The following LYPD5 variants were observed in gnomAD, a reference collection of about 807,000 sequenced individuals.
LYPD5 encodes the protein ly6/PLAUR domain-containing protein 5.
A neutral mutation model predicts 19.1 loss-of-function variants in LYPD5; 21 were observed. The ratio of observed to expected loss-of-function variants is 1.10; its 90% CI spans 0.78 to 1.58. The LOEUF (loss-of-function observed/expected upper bound fraction) is 1.58. LYPD5 is among the 40% of genes most tolerant of loss of function. The pLI is 0.00. For missense variants in LYPD5, 287 were observed against 329.8 expected (o/e 0.87, Z 1.00); for synonymous variants, 128 against 142.7 (o/e 0.90, Z 0.74).
chr19:43,801,563 A>G (rs1970223866), intron 1 of LYPD5, among the ~76,000 whole-genome samples: 1 of 152,204 alleles, frequency 6.6e-6, no homozygotes, highest in Non-Finnish European at 1.5e-5. Context: ...AGGCTTACAA[A>G]TCACAGATAC....
intron 1 of LYPD5, among the ~76,000 whole-genome samples, chr19:43,808,541 T>C (rs1453448062): frequency 2.0e-5 from 3 of 152,246 alleles, no homozygotes; most frequent in Non-Finnish European, 4.4e-5. Context: ...AACATGTAAT[T>C]AAAGGGTTCG....
intron 1 of LYPD5, among the ~76,000 whole-genome samples, chr19:43,818,392 G>T (rs1021499193): frequency 6.6e-6 from 1 of 152,152 alleles, no homozygotes; most frequent in African/African-American, 2.4e-5. Context: ...TTACTGAGCT[G>T]GCCACTGCTT....
rs1305681129 is a variant in LYPD5, at chr19:43,819,752, C to G, written c.-66+788G>C. On this transcript the variant is annotated intron_variant, in intron 1 of 4. Coordinates refer to the LYPD5 transcript ENST00000414615. The stretch of plus-strand genomic sequence containing the variant: ...TTATGATGAGCCGAATCTGCCAACA[C>G]CAGAGCTTCCAAAAAGGACAAAAGA... Among the ~76,000 whole-genome samples the G allele has an allele frequency of 2.6e-5, 4 of 152,256 alleles. No homozygotes were observed. In the East Asian group the frequency reaches 7.7e-4, roughly 29 times the overall value.
At chr19:43,815,752 T>A (rs1317602293) in intron 1 of LYPD5, 2 of 421,968 alleles carry the variant, frequency 4.7e-6, no homozygotes, top group East Asian at 7.4e-5. Flanking sequence ...TTTATTTTAT[T>A]TTTGAGACGG....
Position 43,796,574 on chromosome 19 carries a change from A to G in LYPD5, c.*1017T>C, listed in dbSNP as rs1476769642. 6.6e-6 allele frequency: 1 copy of G among 152,190 alleles called. No homozygotes were observed. Among genetic ancestry groups the G allele is most frequent in the African/African-American group, 2.4e-5 (1 of 41,410 alleles). 9.4% of individuals were successfully genotyped at this position (152,190 alleles called of 1,614,324 possible). A position where few individuals can be genotyped will look rare whatever the true frequency, so the allele number is the denominator to read the frequency against. Reference sequence around the variant, plus strand: ...GTCTTCCCTGATCTTTATAGCTTGGAGAATTTCACCTCGCTGAACTTTGCC... The same window carrying G: ...GTCTTCCCTGATCTTTATAGCTTGGGGAATTTCACCTCGCTGAACTTTGCC... On this transcript the variant is annotated 3_prime_UTR_variant, in exon 5 of 5. Coordinates refer to ENST00000377950, the MANE Select transcript of LYPD5 (RefSeq NM_001031749.3).
Position 43,797,332 on chromosome 19 carries a change from A to C in LYPD5, c.*259T>G. 5 of 448,486 alleles carry C rather than the reference A, an allele frequency of 1.1e-5. No individual in the cohort carries two copies. The highest frequency in any genetic ancestry group is 3.7e-5 in the East Asian group (1 of 26,832). 27.8% of individuals were successfully genotyped at this position (448,486 alleles called of 1,614,324 possible). A position where few individuals can be genotyped will look rare whatever the true frequency, so the allele number is the denominator to read the frequency against. On this transcript the variant is annotated 3_prime_UTR_variant, in exon 5 of 5. Coordinates refer to ENST00000377950, the MANE Select transcript of LYPD5 (RefSeq NM_001031749.3). Reference sequence around the variant, plus strand: ...GGTGCCTGGCTGGTGCTCAGTGAGTAACAGCTGTGATCAGAATTGCTCTTC... The same window carrying C: ...GGTGCCTGGCTGGTGCTCAGTGAGTCACAGCTGTGATCAGAATTGCTCTTC...
chr19:43,802,562 C>CCA, upstream of LYPD5: 3 of 394,478 alleles, frequency 7.6e-6, no homozygotes, highest in Admixed American at 5.1e-5. Flanking sequence ...TCCTCAGTTG[C>CCA]TGGAGATCTA....
intron 4 of LYPD5, 100 bp downstream of exon 4, chr19:43,798,355 G>A: frequency 1.4e-6 from 2 of 1,421,044 alleles, no homozygotes; most frequent in Admixed American, 1.7e-5. Flanking sequence ...CTCAGAGCAG[G>A]GCCATGTCTC....
chr19:43,807,413 A>C (rs1009067049), upstream of LYPD5, among the ~76,000 whole-genome samples: 1 of 151,116 alleles, frequency 6.6e-6, no homozygotes, highest in African/African-American at 2.4e-5. Context: ...CCTGAGTAGT[A>C]GCTGAATTTA....
intron 1 of LYPD5, 196 bp from the exon 2 acceptor site, chr19:43,800,030 G>A: frequency 1.7e-6 from 1 of 571,970 alleles, no homozygotes; most frequent in Middle Eastern, 5.0e-4. Flanking sequence ...TGACCTCTCT[G>A]CAGCTGACAG....
chr19:43,811,682 AGAAAGAAAGAAAGAAG>A (rs1476849946), intron 1 of LYPD5, among the ~76,000 whole-genome samples: 1 of 148,208 alleles, frequency 6.7e-6, no homozygotes, highest in African/African-American at 2.5e-5. Flanking sequence ...GGAGAAAGAA[AGAAAGAAAGAAAGAAG>A]GAAAGAGAGA....
chr19:43,816,659 AG>A (rs1040350226), intron 1 of LYPD5, among the ~76,000 whole-genome samples: 3 of 152,364 alleles, frequency 2.0e-5, no homozygotes, highest in Admixed American at 6.5e-5. Context: ...TTACATTTAA[AG>A]TAGTCACTAT....
At chr19:43,811,698 G>A (rs1284989126) in intron 1 of LYPD5, among the ~76,000 whole-genome samples, 2 of 119,644 alleles carry the variant, frequency 1.7e-5, no homozygotes, top group Non-Finnish European at 3.3e-5. Context: ...AAAGAAAGAA[G>A]GAAAGAGAGA....
chr19:43,816,938 T>G (rs1970380260), intron 1 of LYPD5, among the ~76,000 whole-genome samples: 1 of 152,224 alleles, frequency 6.6e-6, no homozygotes, highest in Non-Finnish European at 1.5e-5. Context: ...TGTTCTCTTT[T>G]GCTCTTCTGC....
At chr19:43,807,053 T>C (rs2146500770), upstream of LYPD5, among the ~76,000 whole-genome samples, 1 of 152,350 alleles carries the variant, frequency 6.6e-6, no homozygotes, top group South Asian at 2.1e-4. Flanking sequence ...AATATCCCAT[T>C]GTGTGGATAC....
intron 1 of LYPD5, among the ~76,000 whole-genome samples, chr19:43,801,037 GAAA>G (rs4027763): frequency 2.9e-4 from 39 of 132,204 alleles, no homozygotes; most frequent in East Asian, 4.4e-4. Flanking sequence ...TACATGGAGA[GAAA>G]AAAAAAAAAA....
chr19:43,816,524 CAG>C (rs1313362556), intron 1 of LYPD5, among the ~76,000 whole-genome samples: 1 of 152,164 alleles, frequency 6.6e-6, no homozygotes, highest in Non-Finnish European at 1.5e-5. Flanking sequence ...TCCTAAATGT[CAG>C]AGATCAAGTA....
At chr19:43,808,094 G>A (rs1970286650) in intron 1 of LYPD5, among the ~76,000 whole-genome samples, 1 of 152,096 alleles carries the variant, frequency 6.6e-6, no homozygotes. Context: ...TCTGTCTACC[G>A]TTACTGTCTT....
At chr19:43,805,638 G>T (rs1185888156), upstream of LYPD5, among the ~76,000 whole-genome samples, 1 of 152,182 alleles carries the variant, frequency 6.6e-6, no homozygotes, top group African/African-American at 2.4e-5. Flanking sequence ...CTCCCAAGTA[G>T]CTGGGATCAC....
Sources: gnomAD v4.1 joint callset for allele counts (sites outside exome capture counted in the v4.1 genomes callset) on GRCh38, gnomAD v4.1.1 for gene constraint, MANE v1.5 for transcripts, NCBI Gene and HGNC (gene_info 2026-07-23, HGNC 2026-07-21) for gene names.